Variants in P2RY14 observed in about 807,000 individuals in gnomAD.
P2RY14 encodes P2Y purinoceptor 14.
In P2RY14, 2 loss-of-function variants were observed where a neutral mutation model predicts 0.9. The ratio of observed to expected loss-of-function variants is 2.16; its 90% CI spans 0.88 to 6.79. The LOEUF is 6.79. P2RY14 is among the 30% of genes most tolerant of loss of function. The probability of loss-of-function intolerance (pLI) is 0.05; values close to 1 mark genes in which losing one functional copy is unlikely to be tolerated. For missense variants in P2RY14, 378 were observed against 400.1 expected, an observed-to-expected ratio of 0.94 and a Z score of 0.47; for synonymous variants, 158 against 147.2, an observed-to-expected ratio of 1.07 and a Z score of -0.53.
chr3:151,251,693 C>T (rs1736890319), intron 1 of P2RY14, among the ~76,000 whole-genome samples: 2 of 152,192 alleles, frequency 1.3e-5, no homozygotes, highest in Admixed American at 1.3e-4. Flanking sequence ...CTGTGAATAT[C>T]TGTGGTTCTT....
chr3:151,215,916 G>A (rs888957462), intron 2 of P2RY14, among the ~76,000 whole-genome samples: 2 of 152,150 alleles, frequency 1.3e-5, no homozygotes, highest in African/African-American at 4.8e-5. Flanking sequence ...TTTCATTTGT[G>A]TGGAAAACTG....
intron 1 of P2RY14, among the ~76,000 whole-genome samples, chr3:151,251,156 C>T (rs1005601619): frequency 6.6e-6 from 1 of 152,168 alleles, no homozygotes; most frequent in South Asian, 2.1e-4. Flanking sequence ...TCTGCCCTTG[C>T]CCTGCCCTGT....
chr3:151,247,817 A>C (rs62282985), intron 1 of P2RY14, among the ~76,000 whole-genome samples: 43,840 of 151,430 alleles, frequency 0.29, 6,458 homozygotes, highest in Non-Finnish European at 0.31. Context: ...CATTTTCTCC[A>C]TTTAGAGAGT....
At chr3:151,217,329 G>A (rs1221586917) in intron 2 of P2RY14, among the ~76,000 whole-genome samples, 1 of 152,106 alleles carries the variant, frequency 6.6e-6, no homozygotes, top group African/African-American at 2.4e-5. Flanking sequence ...CAGTATTTCT[G>A]CATGTGACCT....
rs924169150 is a variant in P2RY14, at chr3:151,278,442, C to T, written c.-288G>A. 7 of 152,176 alleles carry T rather than the reference C, an allele frequency of 4.6e-5. No individual in the cohort carries two copies. Among genetic ancestry groups the T allele is most frequent in the African/African-American group, 1.7e-4 (7 of 41,452 alleles). 9.4% of individuals were successfully genotyped at this position (152,176 alleles called of 1,614,324 possible). ...ACAGAAACCACAAGATAGTGGGTCC[C>T]TCTGCTGCTGTTGTCAGATAGAATT... On this transcript the variant is annotated 5_prime_UTR_variant, in exon 1 of 3. Transcript: ENST00000309170.
rs561323002 is a variant in P2RY14, at chr3:151,255,112, G to A, written c.-133+23175C>T. On this transcript the variant is annotated intron_variant, in intron 1 of 2. Coordinates refer to ENST00000309170, the MANE Select transcript of P2RY14 (RefSeq NM_014879.4). ...AAGCGCTTAAAAGATAGGAACTTTC[G>A]AGTCACAAATAGGCAGGCTGAAGAT... is the stretch of plus-strand genomic sequence containing the variant. Among the ~76,000 whole-genome samples the A allele has an allele frequency of 2.0e-5, 3 of 152,130 alleles. No individual in the cohort carries two copies. In the East Asian group the frequency reaches 5.8e-4, roughly 29 times the overall value.
chr3:151,263,430 C>G (rs1184305769), intron 1 of P2RY14, among the ~76,000 whole-genome samples: 2 of 152,168 alleles, frequency 1.3e-5, no homozygotes, highest in African/African-American at 2.4e-5. Context: ...TGAAGGCTGA[C>G]AGAATTATCA....
intron 1 of P2RY14, among the ~76,000 whole-genome samples, chr3:151,234,060 C>G (rs1195619108): frequency 6.6e-6 from 1 of 152,206 alleles, no homozygotes; most frequent in Non-Finnish European, 1.5e-5. Context: ...CACTCTGTAG[C>G]TGAGCATTTT....
At chr3:151,253,583 T>C (rs779932889) in intron 1 of P2RY14, among the ~76,000 whole-genome samples, 1 of 152,186 alleles carries the variant, frequency 6.6e-6, no homozygotes, top group East Asian at 1.9e-4. Flanking sequence ...TTAATTCTAC[T>C]TAGGCCACCC....
chr3:151,242,803 C>T (rs1483220655), intron 1 of P2RY14, among the ~76,000 whole-genome samples: 18 of 151,448 alleles, frequency 1.2e-4, no homozygotes, highest in African/African-American at 3.4e-4. Context: ...AGGCTTCAGA[C>T]GATCAAATTA....
intron 1 of P2RY14, among the ~76,000 whole-genome samples, chr3:151,238,310 C>T (rs1050982801): frequency 6.6e-6 from 1 of 152,100 alleles, no homozygotes; most frequent in African/African-American, 2.4e-5. Context: ...CCTTGGCCGG[C>T]TAATTTTTGC....
At chr3:151,247,091 A>G (rs955430661) in intron 1 of P2RY14, among the ~76,000 whole-genome samples, 4 of 152,242 alleles carry the variant, frequency 2.6e-5, no homozygotes, top group Admixed American at 6.5e-5. Context: ...TAGATTGGCA[A>G]TAATTAAAAA....
At chr3:151,273,977 C>T (rs1399465559) in intron 1 of P2RY14, among the ~76,000 whole-genome samples, 1 of 152,082 alleles carries the variant, frequency 6.6e-6, no homozygotes, top group African/African-American at 2.4e-5. Flanking sequence ...AGGACTGGGT[C>T]TGGATTTTTT....
chr3:151,262,620 A>G (rs182069490), intron 1 of P2RY14, among the ~76,000 whole-genome samples: 14 of 152,358 alleles, frequency 9.2e-5, no homozygotes. Flanking sequence ...TGCATGGGCA[A>G]TGTAAATACA....
chr3:151,221,102 G>A lies in P2RY14; in HGVS notation c.-132-1460C>T, dbSNP rs566730123. On this transcript the variant is annotated intron_variant, in intron 1 of 2. Coordinates refer to ENST00000309170, the MANE Select transcript of P2RY14 (RefSeq NM_014879.4). Reference sequence around the variant, plus strand: ...GTGATTCTTGTTATGTTTTAGCAAAGAGACTGGAGGCATTTTGCCCCTACC... The same window carrying A: ...GTGATTCTTGTTATGTTTTAGCAAAAAGACTGGAGGCATTTTGCCCCTACC... Among the ~76,000 whole-genome samples, 4 of 152,322 alleles carry A rather than the reference G, an allele frequency of 2.6e-5. No individual in the cohort carries two copies. The South Asian group carries it at 8.3e-4, about 32-fold the overall frequency.
At chr3:151,269,702 A>T in intron 1 of P2RY14, 2 of 418,894 alleles carry the variant, frequency 4.8e-6, no homozygotes, top group Non-Finnish European at 9.2e-6. Flanking sequence ...TTTTATTTTG[A>T]TGAAAATCTT....
intron 1 of P2RY14, among the ~76,000 whole-genome samples, chr3:151,255,892 A>T (rs1010000205): frequency 6.6e-6 from 1 of 152,182 alleles, no homozygotes; most frequent in African/African-American, 2.4e-5. Context: ...CATCTGCAAA[A>T]AGAGTCTAGT....
chr3:151,256,959 CAT>C (rs1483725481), intron 1 of P2RY14, among the ~76,000 whole-genome samples: 1 of 151,564 alleles, frequency 6.6e-6, no homozygotes, highest in East Asian at 1.9e-4. Context: ...ATCAAGTCCA[CAT>C]ATGAAGTATG....
intron 1 of P2RY14, among the ~76,000 whole-genome samples, chr3:151,231,697 G>A (rs1286313846): frequency 1.3e-5 from 2 of 152,174 alleles, no homozygotes; most frequent in Non-Finnish European, 2.9e-5. Context: ...ATTGTTGGCT[G>A]GAGGGAATAG....
Sources: gnomAD v4.1 joint callset for allele counts (sites outside exome capture counted in the v4.1 genomes callset) on GRCh38, gnomAD v4.1.1 for gene constraint, MANE v1.5 for transcripts, NCBI Gene and HGNC (gene_info 2026-07-23, HGNC 2026-07-21) for gene names.